KCNIP4: variants seen among roughly 807,000 people sequenced by gnomAD.
KCNIP4 encodes Kv channel-interacting protein 4.
Under a neutral mutation model 34.0 loss-of-function variants are expected in KCNIP4, and 12 were observed. The observed-to-expected ratio is 0.35, with a 90% CI of 0.23 to 0.57. The LOEUF (loss-of-function observed/expected upper bound fraction) is 0.57, where lower values mean the gene tolerates loss of function less well. KCNIP4 is among the 20% of genes least tolerant of loss of function. The pLI is 0.83. For synonymous variants in KCNIP4, 124 were observed against 102.2 expected (o/e 1.21, Z -1.29); for missense variants, 238 against 311.7 (o/e 0.76, Z 1.78).
At chr4:21,315,365 GA>G (rs1462492554) in intron 1 of KCNIP4, 1 of 152,186 alleles carries the variant, frequency 6.6e-6, no homozygotes, top group Admixed American at 6.6e-5. Context: ...TCTTCTTTAT[GA>G]TTTTTTTAAT....
intron 5 of KCNIP4, among the ~76,000 whole-genome samples, chr4:20,743,792 CT>C (rs1221162762): frequency 6.6e-6 from 1 of 152,072 alleles, no homozygotes; most frequent in Non-Finnish European, 1.5e-5. Flanking sequence ...AACTAAGGAA[CT>C]TCTGCACAGC....
intron 1 of KCNIP4, among the ~76,000 whole-genome samples, chr4:21,806,303 CT>C (rs1325224388): frequency 6.6e-6 from 1 of 152,148 alleles, no homozygotes; most frequent in Non-Finnish European, 1.5e-5. Context: ...TATTTAGTTA[CT>C]ACTTGCCTGA....
At chr4:21,326,910 CAAGCA>C (rs1297491669) in intron 1 of KCNIP4, among the ~76,000 whole-genome samples, 1 of 151,938 alleles carries the variant, frequency 6.6e-6, no homozygotes, top group Non-Finnish European at 1.5e-5. Flanking sequence ...AGCAAACAAA[CAAGCA>C]AAGAGAAAAT....
At chr4:21,891,271 TG>T (rs1727076018) in intron 1 of KCNIP4, among the ~76,000 whole-genome samples, 1 of 152,114 alleles carries the variant, frequency 6.6e-6, no homozygotes, top group Non-Finnish European at 1.5e-5. Flanking sequence ...CAGGTACATC[TG>T]CCATACAACT....
chr4:21,816,298 A>G (rs1281946672), intron 1 of KCNIP4, among the ~76,000 whole-genome samples: 1 of 152,202 alleles, frequency 6.6e-6, no homozygotes, highest in Non-Finnish European at 1.5e-5. Context: ...AGGATTAAAC[A>G]TAACTCTGAA....
chr4:21,896,498 TCAGA>T (rs1464247533), intron 1 of KCNIP4, among the ~76,000 whole-genome samples: 1 of 151,248 alleles, frequency 6.6e-6, no homozygotes, highest in African/African-American at 2.4e-5. Context: ...TTGTTGGAAG[TCAGA>T]CAGAGAAGAG....
chr4:21,233,846 C>T (rs1369944150), intron 1 of KCNIP4, among the ~76,000 whole-genome samples: 2 of 128,926 alleles, frequency 1.6e-5, no homozygotes, highest in Admixed American at 8.0e-5. Context: ...ATATATATTA[C>T]ACTATATAGT....
At chr4:21,248,923 C>T (rs1289116866) in intron 1 of KCNIP4, among the ~76,000 whole-genome samples, 1 of 152,166 alleles carries the variant, frequency 6.6e-6, no homozygotes, top group African/African-American at 2.4e-5. Flanking sequence ...AAAGTCAGTG[C>T]TTTCGCTGTT....
At chr4:21,518,573 G>T (rs1404111117) in intron 1 of KCNIP4, among the ~76,000 whole-genome samples, 2 of 152,090 alleles carry the variant, frequency 1.3e-5, no homozygotes, top group Non-Finnish European at 2.9e-5. Flanking sequence ...AGGACCTGAA[G>T]AGGTAGGACC....
intron 1 of KCNIP4, among the ~76,000 whole-genome samples, chr4:21,553,952 G>C (rs551110296): frequency 6.6e-6 from 1 of 152,184 alleles, no homozygotes; most frequent in East Asian, 1.9e-4. Context: ...TTAAGAGAGT[G>C]ACATATCTTT....
At chr4:21,111,023 T>C (rs1363169879) in intron 1 of KCNIP4, among the ~76,000 whole-genome samples, 3 of 152,230 alleles carry the variant, frequency 2.0e-5, no homozygotes, top group Non-Finnish European at 2.9e-5. Context: ...TCTATACAAA[T>C]TTAAATAGAA....
chr4:21,193,717 G>A (rs1166337010), intron 1 of KCNIP4, among the ~76,000 whole-genome samples: 2 of 151,724 alleles, frequency 1.3e-5, no homozygotes, highest in Admixed American at 6.6e-5. Context: ...GACTACAGGC[G>A]CCAGCCACCA....
rs1350419753 is a variant in KCNIP4 at position 20,837,686 on chromosome 4, A to ATATTTT, written c.288+12856_288+12857insAAAATA. On this transcript the variant is annotated intron_variant, in intron 3 of 8. Coordinates refer to ENST00000382152, the MANE Select transcript of KCNIP4 (RefSeq NM_025221.6). ...GCTATATATATATATATATATATAT[A>ATATTTT]TTTTTTTTTCCTTGGAGATGGAGTC... Among the ~76,000 whole-genome samples, 468 of 117,374 alleles carry ATATTTT rather than the reference A, an allele frequency of 4.0e-3. 5 individuals are homozygous for ATATTTT. Among genetic ancestry groups the ATATTTT allele is most frequent in the African/African-American group, 0.014 (429 of 29,856 alleles). 77.0% of individuals were successfully genotyped at this position (117,374 alleles called of 152,430 possible). A position where few individuals can be genotyped will look rare whatever the true frequency, so the allele number is the denominator to read the frequency against.
chr4:21,301,812 G>T (rs951411531), intron 1 of KCNIP4, among the ~76,000 whole-genome samples: 3 of 152,080 alleles, frequency 2.0e-5, no homozygotes, highest in African/African-American at 7.2e-5. Flanking sequence ...TCTCCAGCTA[G>T]CAAAGTATTT....
chr4:20,903,076 G>A (rs908109195), intron 1 of KCNIP4, among the ~76,000 whole-genome samples: 3 of 152,116 alleles, frequency 2.0e-5, no homozygotes, highest in Non-Finnish European at 2.9e-5. Flanking sequence ...AAAAATATAT[G>A]AGGCCTATAC....
chr4:21,416,842 C>T (rs1724988632), intron 1 of KCNIP4, among the ~76,000 whole-genome samples: 1 of 152,038 alleles, frequency 6.6e-6, no homozygotes, highest in African/African-American at 2.4e-5. Flanking sequence ...GGAAGAATTC[C>T]ACTTGTTCAG....
At chr4:21,424,038 C>A (rs1408518321) in intron 1 of KCNIP4, among the ~76,000 whole-genome samples, 1 of 149,062 alleles carries the variant, frequency 6.7e-6, no homozygotes, top group Non-Finnish European at 1.5e-5. Flanking sequence ...TCAGGCTGGT[C>A]TGGAGCTCCT....
chr4:21,707,530 G>A (rs1164281050), intron 1 of KCNIP4, among the ~76,000 whole-genome samples: 1 of 148,922 alleles, frequency 6.7e-6, no homozygotes, highest in African/African-American at 2.5e-5. Flanking sequence ...CATTGGAAAT[G>A]TGCACCAGGT....
intron 1 of KCNIP4, among the ~76,000 whole-genome samples, chr4:21,607,193 A>G (rs1282042546): frequency 2.7e-5 from 4 of 150,834 alleles, no homozygotes; most frequent in Non-Finnish European, 4.5e-5. Context: ...CATACTAACT[A>G]TGCAACTCTG....
Sources: gnomAD v4.1 joint callset for allele counts (sites outside exome capture counted in the v4.1 genomes callset) on GRCh38, gnomAD v4.1.1 for gene constraint, MANE v1.5 for transcripts, NCBI Gene and HGNC (gene_info 2026-07-23, HGNC 2026-07-21) for gene names.